The following SMYD3 variants were observed in gnomAD, a reference collection of about 807,000 sequenced individuals.
SMYD3 encodes the protein SET and MYND domain containing 3, also known as histone-lysine N-methyltransferase SMYD3.
Under a neutral mutation model 57.7 loss-of-function variants are expected in SMYD3, and 36 were observed. The ratio of observed to expected loss-of-function variants is 0.62; its 90% CI spans 0.48 to 0.82. The LOEUF (loss-of-function observed/expected upper bound fraction) is 0.82, where lower values mean the gene tolerates loss of function less well. Ranked by LOEUF, SMYD3 falls within the 40% of genes least tolerant of loss-of-function variation. The pLI is 0.00. For missense variants in SMYD3, 515 were observed against 538.8 expected (o/e 0.96, Z 0.44); for synonymous variants, 211 against 195.0 (o/e 1.08, Z -0.68).
chr1:245,906,197 C>T (rs1330155221), intron 8 of SMYD3, among the ~76,000 whole-genome samples: 2 of 152,006 alleles, frequency 1.3e-5, no homozygotes, highest in African/African-American at 4.8e-5. Flanking sequence ...ATCAGCAAAG[C>T]GAAGAGACAA....
At chr1:245,764,860 C>T (rs77423812) in intron 10 of SMYD3, among the ~76,000 whole-genome samples, 5,032 of 152,158 alleles carry the variant, frequency 0.033, 199 homozygotes, top group Admixed American at 0.11. Flanking sequence ...GCACACGACT[C>T]CGGCTATGGG....
intron 8 of SMYD3, among the ~76,000 whole-genome samples, chr1:245,889,258 A>C (rs1044735280): frequency 6.6e-6 from 1 of 152,246 alleles, no homozygotes; most frequent in Non-Finnish European, 1.5e-5. Flanking sequence ...CTTTTTGAGA[A>C]AAATAAATAG....
At chr1:245,993,638 A>C (rs2058859333) in intron 5 of SMYD3, among the ~76,000 whole-genome samples, 1 of 136,238 alleles carries the variant, frequency 7.3e-6, no homozygotes, top group African/African-American at 2.9e-5. Context: ...AGATAGACAG[A>C]CAGACAGACA....
intron 5 of SMYD3, among the ~76,000 whole-genome samples, chr1:246,281,260 C>T (rs770516517): frequency 2.4e-4 from 37 of 152,292 alleles, no homozygotes; most frequent in Non-Finnish European, 3.8e-4. Flanking sequence ...ACTTGAGATT[C>T]GTTACTGAAA....
intron 10 of SMYD3, among the ~76,000 whole-genome samples, chr1:245,793,134 C>A (rs1180817922): frequency 6.8e-6 from 1 of 146,874 alleles, no homozygotes; most frequent in Non-Finnish European, 1.5e-5. Context: ...ACGGTGAAAC[C>A]CCGTCTCTAC....
At chr1:246,005,349 G>A (rs2059150519) in intron 5 of SMYD3, among the ~76,000 whole-genome samples, 1 of 152,202 alleles carries the variant, frequency 6.6e-6, no homozygotes, top group African/African-American at 2.4e-5. Context: ...CTTACAGCTG[G>A]AAGACCATCA....
intron 10 of SMYD3, among the ~76,000 whole-genome samples, chr1:245,781,709 G>A (rs1027773322): frequency 2.6e-5 from 4 of 152,112 alleles, no homozygotes; most frequent in African/African-American, 4.8e-5. Context: ...GGCCAGGTGC[G>A]CTGGCTCACA....
At chr1:245,931,266 G>A (rs1380669097) in intron 5 of SMYD3, among the ~76,000 whole-genome samples, 1 of 152,194 alleles carries the variant, frequency 6.6e-6, no homozygotes, top group East Asian at 1.9e-4. Context: ...AAATGGTTAG[G>A]AAGTCACTGC....
chr1:246,355,509 G>A lies in SMYD3; in HGVS notation c.165-415C>T, dbSNP rs1276108908. On this transcript the variant is annotated intron_variant, in intron 1 of 11. Transcript: ENST00000490107. The surrounding 1 kb of genome is among the most constrained non-coding windows in gnomAD (Gnocchi z 5.0). ...CTGAGACTCTGAAAAGATGTGAGCT[G>A]CCTGCTTGCTCAGCAGGGAGGCTGG... Among the ~76,000 whole-genome samples, 2 of 152,188 alleles carry A rather than the reference G, an allele frequency of 1.3e-5. No individual in the cohort carries two copies. Among genetic ancestry groups the A allele is most frequent in the African/African-American group, 4.8e-5 (2 of 41,444 alleles).
intron 5 of SMYD3, among the ~76,000 whole-genome samples, chr1:246,141,490 G>C (rs1026503740): frequency 3.3e-5 from 5 of 152,104 alleles, no homozygotes; most frequent in Non-Finnish European, 5.9e-5. Flanking sequence ...GCATTCCTAT[G>C]ATTACTTACT....
At chr1:245,881,105 A>G (rs527821118) in intron 8 of SMYD3, among the ~76,000 whole-genome samples, 2 of 152,224 alleles carry the variant, frequency 1.3e-5, no homozygotes, top group Non-Finnish European at 2.9e-5. Flanking sequence ...CAGATCTCCA[A>G]CAGGATAATG....
intron 1 of SMYD3, among the ~76,000 whole-genome samples, chr1:246,464,223 A>G (rs2067850645): frequency 6.6e-6 from 1 of 152,114 alleles, no homozygotes; most frequent in South Asian, 2.1e-4. Flanking sequence ...GTTTAAAGAT[A>G]CACAAGAAAA....
intron 5 of SMYD3, among the ~76,000 whole-genome samples, chr1:246,290,096 G>A (rs2064658761): frequency 6.6e-6 from 1 of 152,148 alleles, no homozygotes; most frequent in Admixed American, 6.5e-5. Context: ...ATGATGACAG[G>A]AGAAACAGCA....
At chr1:246,291,466 A>C (rs1288127911) in intron 5 of SMYD3, among the ~76,000 whole-genome samples, 4 of 152,246 alleles carry the variant, frequency 2.6e-5, no homozygotes, top group Non-Finnish European at 5.9e-5. Context: ...TTTATATGTT[A>C]ACCTCCAAAT....
At chr1:246,059,780 C>A (rs1363289987) in intron 5 of SMYD3, among the ~76,000 whole-genome samples, 2 of 152,032 alleles carry the variant, frequency 1.3e-5, no homozygotes, top group Non-Finnish European at 1.5e-5. Flanking sequence ...AGAAATGTGC[C>A]CCTTGCTTGT....
chr1:246,184,289 A>G (rs1394547199), intron 5 of SMYD3, among the ~76,000 whole-genome samples: 1 of 152,242 alleles, frequency 6.6e-6, no homozygotes, highest in Non-Finnish European at 1.5e-5. Context: ...AAAAGCAAGT[A>G]TATTGCCCTT....
At chr1:245,916,761 C>A (rs1287774188) in intron 7 of SMYD3, among the ~76,000 whole-genome samples, 1 of 152,154 alleles carries the variant, frequency 6.6e-6, no homozygotes, top group African/African-American at 2.4e-5. Flanking sequence ...CTGCACTCCA[C>A]CCTCTAGCCA....
intron 1 of SMYD3, among the ~76,000 whole-genome samples, chr1:246,459,194 G>A (rs933781525): frequency 3.0e-5 from 4 of 135,554 alleles, no homozygotes; most frequent in South Asian, 2.5e-4. Context: ...GATAGTTCTC[G>A]CGAGATCTTG....
chr1:246,380,738 T>C (rs1164977439), intron 1 of SMYD3, among the ~76,000 whole-genome samples: 6 of 152,242 alleles, frequency 3.9e-5, no homozygotes, highest in Admixed American at 3.9e-4. Flanking sequence ...TATTATGTGA[T>C]GTCAGGTTCT....
Sources: allele counts gnomAD v4.1 joint callset (sites outside exome capture counted in the v4.1 genomes callset), GRCh38; gene constraint gnomAD v4.1.1; non-coding constraint Gnocchi (gnomAD v3.1); transcripts MANE v1.5; gene names NCBI Gene and HGNC (gene_info 2026-07-23, HGNC 2026-07-21).